Variants in DAB1 observed in about 807,000 individuals in gnomAD.
DAB1 encodes disabled homolog 1.
Under a neutral mutation model 64.6 loss-of-function variants are expected in DAB1, and 15 were observed. The ratio of observed to expected loss-of-function variants is 0.23; its 90% CI spans 0.16 to 0.36. The LOEUF is 0.36. Among genes scored for constraint, DAB1 ranks in the 10% least tolerant of loss-of-function variants. The pLI, the probability that DAB1 is intolerant of heterozygous loss-of-function variation, is 1.00. For synonymous variants in DAB1, 235 were observed against 251.9 expected, an observed-to-expected ratio of 0.93 and a Z score of 0.64; for missense variants, 596 against 706.7, an observed-to-expected ratio of 0.84 and a Z score of 1.78.
intron 9 of DAB1, among the ~76,000 whole-genome samples, chr1:57,053,926 A>G (rs887423425): frequency 6.6e-6 from 1 of 151,896 alleles, no homozygotes. Flanking sequence ...ACCTCAGGTG[A>G]TCCACCCACC....
chr1:57,779,979 T>C (rs573306658), intron 6 of DAB1, among the ~76,000 whole-genome samples: 3 of 152,114 alleles, frequency 2.0e-5, no homozygotes, highest in Admixed American at 2.0e-4. Flanking sequence ...AAATGACTAA[T>C]CTTGAGATAG....
intron 6 of DAB1, among the ~76,000 whole-genome samples, chr1:57,781,085 A>ATT (rs1491107130): frequency 2.3e-5 from 1 of 43,630 alleles, no homozygotes; most frequent in African/African-American, 8.0e-5. Flanking sequence ...ATTTGAGATC[A>ATT]TTCTCTCTCT....
Position 57,342,390 on chromosome 1 carries a change from G to C in DAB1, c.-136-51224C>G, listed in dbSNP as rs1295782819. ...TCTGTGCTGAGTTTCTTCATGGAAG[G>C]GTTCATATTTTGTTATTTCTTTATC... On this transcript the variant is annotated intron_variant, in intron 1 of 14. Coordinates refer to ENST00000371236, the MANE Select transcript of DAB1 (RefSeq NM_001365792.1). 2.6e-5 allele frequency among the ~76,000 whole-genome samples: 4 copies of C among 152,194 alleles called. No individual in the cohort carries two copies. In the East Asian group the frequency reaches 5.8e-4, roughly 22 times the overall value.
At chr1:58,167,536 G>C (rs955484162) in intron 4 of DAB1, among the ~76,000 whole-genome samples, 5 of 152,236 alleles carry the variant, frequency 3.3e-5, no homozygotes, top group Non-Finnish European at 7.3e-5. Context: ...GGTCAAATAA[G>C]GGAATAAAAG....
intron 7 of DAB1, among the ~76,000 whole-genome samples, chr1:57,582,952 C>T (rs1645331236): frequency 6.6e-6 from 1 of 152,174 alleles, no homozygotes; most frequent in African/African-American, 2.4e-5. Context: ...ACTTCCAGTT[C>T]TGATGAAAAT....
intron 1 of DAB1, among the ~76,000 whole-genome samples, chr1:57,377,147 G>A (rs1680963256): frequency 6.6e-6 from 1 of 152,108 alleles, no homozygotes; most frequent in Non-Finnish European, 1.5e-5. Flanking sequence ...GCACGTGCCT[G>A]TAACCTCAGC....
intron 6 of DAB1, among the ~76,000 whole-genome samples, chr1:57,748,112 C>A (rs916349838): frequency 2.0e-5 from 3 of 152,118 alleles, no homozygotes; most frequent in African/African-American, 7.2e-5. Flanking sequence ...AGAGGCATAA[C>A]CCTCATTAAA....
intron 7 of DAB1, among the ~76,000 whole-genome samples, chr1:57,596,196 C>T (rs1365109493): frequency 6.6e-6 from 1 of 152,148 alleles, no homozygotes; most frequent in Admixed American, 6.5e-5. Context: ...TCTGAAAGTC[C>T]CCTGTTGAGC....
chr1:57,084,703 T>C (rs1652880934), intron 4 of DAB1, among the ~76,000 whole-genome samples: 1 of 152,220 alleles, frequency 6.6e-6, no homozygotes, highest in African/African-American at 2.4e-5. Flanking sequence ...TCTGCTCTGC[T>C]TTTCAATGCA....
Position 57,103,209 on chromosome 1 carries a change from A to G in DAB1, c.307-30795T>C, listed in dbSNP as rs545724319. ...GAGGGGGGCTGGTGAAGAAAAACCAAACACAGAGAAGTGTAGGAAGGGACA... is the reference window on the plus strand; with the variant it reads ...GAGGGGGGCTGGTGAAGAAAAACCAGACACAGAGAAGTGTAGGAAGGGACA... On this transcript the variant is annotated intron_variant, in intron 4 of 14. Coordinates refer to ENST00000371236, the MANE Select transcript of DAB1 (RefSeq NM_001365792.1). 8.5e-5 allele frequency among the ~76,000 whole-genome samples: 13 copies of G among 152,258 alleles called. No homozygotes were observed. In the East Asian group the frequency reaches 2.3e-3, roughly 27 times the overall value.
chr1:57,654,087 G>C (rs925266099), intron 6 of DAB1, among the ~76,000 whole-genome samples: 1 of 152,174 alleles, frequency 6.6e-6, no homozygotes, highest in African/African-American at 2.4e-5. Context: ...ATACAATAGT[G>C]AGATAGAACA....
chr1:57,427,931 G>T (rs988699911), upstream of DAB1, among the ~76,000 whole-genome samples: 4 of 152,150 alleles, frequency 2.6e-5, no homozygotes, highest in Non-Finnish European at 4.4e-5. Flanking sequence ...ACTTTGGGAG[G>T]CCGGGACAGG....
intron 2 of DAB1, among the ~76,000 whole-genome samples, chr1:57,282,098 G>A (rs536062953): frequency 2.7e-5 from 4 of 146,536 alleles, no homozygotes; most frequent in East Asian, 4.1e-4. Context: ...CAGGAGAATC[G>A]CTTGAACCTG....
At chr1:57,619,690 G>A (rs990150833) in intron 7 of DAB1, among the ~76,000 whole-genome samples, 3 of 152,140 alleles carry the variant, frequency 2.0e-5, no homozygotes, top group African/African-American at 7.2e-5. Flanking sequence ...ACATGAGTCA[G>A]GGCCCCTATT....
At chr1:57,888,479 C>A (rs1457098062), upstream of DAB1, among the ~76,000 whole-genome samples, 4 of 152,106 alleles carry the variant, frequency 2.6e-5, no homozygotes, top group Non-Finnish European at 5.9e-5. Flanking sequence ...TCAAAACAGA[C>A]ATTTTGCTAG....
chr1:57,353,547 C>T (rs189908957), intron 1 of DAB1, among the ~76,000 whole-genome samples: 4 of 152,256 alleles, frequency 2.6e-5, no homozygotes, highest in African/African-American at 9.6e-5. Flanking sequence ...CGATTTTTGT[C>T]GTTTGCTGAG....
At chr1:58,504,019 C>T (rs1645948401) in intron 3 of DAB1, among the ~76,000 whole-genome samples, 2 of 152,218 alleles carry the variant, frequency 1.3e-5, no homozygotes, top group Non-Finnish European at 2.9e-5. Context: ...AAGCCACCAT[C>T]ATCTCCTACC....
At chr1:57,826,292 C>T (rs1423944794) in exon 2 of DAB1, 1 of 152,222 alleles carries the variant, frequency 6.6e-6, no homozygotes, top group Non-Finnish European at 1.5e-5. Context: ...CAGTAGTTCA[C>T]ATGCAATGAT....
chr1:58,031,001 G>T (rs568538838), intron 5 of DAB1, among the ~76,000 whole-genome samples: 2 of 152,180 alleles, frequency 1.3e-5, no homozygotes, highest in Admixed American at 1.3e-4. Flanking sequence ...CTCCAGGTAC[G>T]AAGTTCTTCT....
Sources: gnomAD v4.1 joint callset for allele counts (sites outside exome capture counted in the v4.1 genomes callset) on GRCh38, gnomAD v4.1.1 for gene constraint, MANE v1.5 for transcripts, NCBI Gene and HGNC (gene_info 2026-07-23, HGNC 2026-07-21) for gene names.